PTP4A2: variants seen among roughly 807,000 people sequenced by gnomAD.
PTP4A2 encodes the protein protein tyrosine phosphatase type IVA 2.
A neutral mutation model predicts 22.9 loss-of-function variants in PTP4A2; 2 were observed. That is an observed-to-expected ratio of 0.09 (90% CI 0.04 to 0.27). The LOEUF is 0.27. Ranked by LOEUF, PTP4A2 falls within the 10% of genes least tolerant of loss-of-function variation. PTP4A2 has a pLI of 1.00. For missense variants in PTP4A2, 103 were observed against 205.1 expected, an observed-to-expected ratio of 0.50 and a Z score of 3.04; for synonymous variants, 68 against 69.1, an observed-to-expected ratio of 0.98 and a Z score of 0.08.
intron 1 of PTP4A2, among the ~76,000 whole-genome samples, chr1:31,922,080 C>A (rs1159630066): frequency 6.6e-6 from 1 of 152,178 alleles, no homozygotes; most frequent in Non-Finnish European, 1.5e-5. Context: ...AACTGTAACC[C>A]CAAAACATAG....
chr1:31,933,200 A>C (rs1427164564), intron 1 of PTP4A2: 2 of 152,280 alleles, frequency 1.3e-5, no homozygotes, highest in Non-Finnish European at 2.9e-5. Flanking sequence ...TGTTGTCTCT[A>C]TGTTGCCCAG....
chr1:31,927,269 G>A (rs753228166), intron 1 of PTP4A2, among the ~76,000 whole-genome samples: 2 of 152,104 alleles, frequency 1.3e-5, no homozygotes, highest in African/African-American at 2.4e-5. Context: ...ACCAAATACC[G>A]CATGTTCTCA....
intron 1 of PTP4A2, among the ~76,000 whole-genome samples, chr1:31,923,020 C>A (rs1209601158): frequency 6.6e-6 from 1 of 151,710 alleles, no homozygotes. Flanking sequence ...CAACCTCCGC[C>A]TCCTGGGTTC....
Position 31,919,514 on chromosome 1 carries a change from C to A in PTP4A2, c.-449G>T, listed in dbSNP as rs560331975. The A allele has an allele frequency of 6.6e-6, 1 of 152,596 alleles. No individual in the cohort carries two copies. The highest frequency in any genetic ancestry group is 1.5e-5 in the Non-Finnish European group (1 of 68,566). 9.5% of individuals were successfully genotyped at this position (152,596 alleles called of 1,614,324 possible). ...CTATTTCTGAGGCCAGTCTCGGTGT[C>A]CAGGAGTCTTCAAGGCAATGTTAAT... is the stretch of plus-strand genomic sequence containing the variant. On this transcript the variant is annotated 5_prime_UTR_variant, in exon 2 of 6. Transcript: ENST00000647444.
In PTP4A2 at chr1:31,937,976, G is replaced by C. The variant is rs1406118269; in HGVS notation, c.-594+11C>G. The C allele has an allele frequency of 6.6e-6, 1 of 152,400 alleles. No homozygotes were observed. 9.4% of individuals were successfully genotyped at this position (152,400 alleles called of 1,614,324 possible). On this transcript the variant is annotated intron_variant, in intron 1 of 5. Coordinates refer to ENST00000647444, the MANE Select transcript of PTP4A2 (RefSeq NM_080391.4). ...GCCGGCGCGGGGGCCGCCCGGGAGG[G>C]GCGCACTCACGCTGGCGAGCTGGGG...
intron 1 of PTP4A2, among the ~76,000 whole-genome samples, chr1:31,928,865 T>C (rs1232150165): frequency 6.6e-6 from 1 of 152,138 alleles, no homozygotes; most frequent in Non-Finnish European, 1.5e-5. Context: ...TGTCTTAACA[T>C]TTCAAAACCA....
rs1651393526 is a variant in PTP4A2 at position 31,909,074 on chromosome 1, A to G, written c.396-114T>C. On this transcript the variant is annotated intron_variant, in intron 5 of 5. Coordinates refer to ENST00000647444, the MANE Select transcript of PTP4A2 (RefSeq NM_080391.4). ...TAATTCCACACAGCTGAAAACCAGCATATTTCCCATACTACAACAATTCTT... is the reference window on the plus strand; with the variant it reads ...TAATTCCACACAGCTGAAAACCAGCGTATTTCCCATACTACAACAATTCTT... The G allele has an allele frequency of 3.8e-5, 28 of 739,846 alleles. 1 individual carries two copies. In the South Asian group the frequency reaches 4.1e-4, roughly 11 times the overall value. The allele number at this position is 739,846 out of a possible 1,614,324, so 45.8% of individuals were successfully genotyped here. A position where few individuals can be genotyped will look rare whatever the true frequency, so the allele number is the denominator to read the frequency against.
chr1:31,921,811 T>A (rs148757275), intron 1 of PTP4A2: 2 of 152,278 alleles, frequency 1.3e-5, no homozygotes, highest in East Asian at 3.9e-4. Context: ...TCAACACTAT[T>A]CATCTATCCT....
chr1:31,913,803 A>G (rs1293872880), intron 3 of PTP4A2: 1 of 456,094 alleles, frequency 2.2e-6, no homozygotes, highest in East Asian at 6.9e-5. Context: ...TACTGACTCA[A>G]ACAGACTATG....
rs1425775747 is a variant in PTP4A2, at chr1:31,938,103, A to C, written c.-710T>G. 1 of 131,728 alleles carries C rather than the reference A, an allele frequency of 7.6e-6. No individual in the cohort carries two copies. The highest frequency in any genetic ancestry group is 2.2e-4 in the South Asian group (1 of 4,646). 8.2% of individuals were successfully genotyped at this position (131,728 alleles called of 1,614,324 possible). ...GGCGGTAGCGGTGGCGGCGGCGGCGACGACTCCCCCCCAGCCTCGGCGCGC... is the reference window on the plus strand; with the variant it reads ...GGCGGTAGCGGTGGCGGCGGCGGCGCCGACTCCCCCCCAGCCTCGGCGCGC... On this transcript the variant is annotated 5_prime_UTR_variant, in exon 1 of 6. Coordinates refer to ENST00000647444, the MANE Select transcript of PTP4A2 (RefSeq NM_080391.4). The surrounding 1 kb of genome is among the most constrained non-coding windows in gnomAD (Gnocchi z 4.4).
At position 31,909,872 on chromosome 1, in the gene PTP4A2, G is replaced by A. The variant is rs564239417; in HGVS notation, c.395+166C>T. On this transcript the variant is annotated intron_variant, in intron 5 of 5. Coordinates refer to ENST00000647444, the MANE Select transcript of PTP4A2 (RefSeq NM_080391.4). ...AAACTTTTGAATCTGGAAACCAGCT[G>A]TACTGAGTCTCTATCACTTGCTCTA... 5.3e-5 allele frequency among the ~76,000 whole-genome samples: 8 copies of A among 152,272 alleles called. No individual in the cohort carries two copies. In the South Asian group the frequency reaches 1.7e-3, roughly 32 times the overall value.
At chr1:31,922,626 CTTTCTTTCTTTTA>C (rs1481519451) in intron 1 of PTP4A2, among the ~76,000 whole-genome samples, 22 of 105,408 alleles carry the variant, frequency 2.1e-4, no homozygotes, top group African/African-American at 1.1e-3. Flanking sequence ...TTCTTTCTTT[CTTTCTTTCTTTTA>C]TTTATTTTGA....
At chr1:31,927,819 T>C (rs980471591) in intron 1 of PTP4A2, among the ~76,000 whole-genome samples, 3 of 152,154 alleles carry the variant, frequency 2.0e-5, no homozygotes, top group Non-Finnish European at 2.9e-5. Flanking sequence ...AGACAATAGA[T>C]TGTAAAATCT....
At chr1:31,932,712 A>G (rs1652773335) in intron 1 of PTP4A2, 1 of 152,276 alleles carries the variant, frequency 6.6e-6, no homozygotes, top group South Asian at 2.1e-4. Context: ...TGTGGAAAGC[A>G]GACAGCTAGT....
At chr1:31,937,344 G>C (rs938285603) in intron 1 of PTP4A2, among the ~76,000 whole-genome samples, 1 of 151,932 alleles carries the variant, frequency 6.6e-6, no homozygotes, top group East Asian at 1.9e-4. Flanking sequence ...CCTCATACTT[G>C]AACCTGAAGA....
intron 3 of PTP4A2, chr1:31,915,655 T>A: frequency 1.1e-5 from 3 of 261,284 alleles, no homozygotes; most frequent in Non-Finnish European, 1.5e-5. Flanking sequence ...TTCCCTCACC[T>A]CAAAAACCCA....
intron 1 of PTP4A2, among the ~76,000 whole-genome samples, chr1:31,934,561 C>T (rs1026748807): frequency 1.3e-5 from 2 of 152,198 alleles, no homozygotes; most frequent in African/African-American, 4.8e-5. Context: ...AAATAAATCC[C>T]TACTAAATTT....
In PTP4A2 at chr1:31,907,231, TGAC is replaced by T. The variant is rs1463743184; in HGVS notation, c.*1618_*1620del. 1 of 152,196 alleles carries T rather than the reference TGAC, an allele frequency of 6.6e-6. No individual in the cohort carries two copies. Among genetic ancestry groups the T allele is most frequent in the African/African-American group, 2.4e-5 (1 of 41,434 alleles). 9.4% of individuals were successfully genotyped at this position (152,196 alleles called of 1,614,324 possible). On this transcript the variant is annotated 3_prime_UTR_variant, in exon 6 of 6. Transcript: ENST00000647444. ...CACAGCAAATTCCAGCAGGACAAGA[TGAC>T]TTTAAGCCCGTATTCAGAGCCCTAG...
At chr1:31,921,666 A>G (rs542126994) in intron 1 of PTP4A2, 1 of 152,320 alleles carries the variant, frequency 6.6e-6, no homozygotes, top group East Asian at 1.9e-4. Flanking sequence ...TCCCTAAGTT[A>G]CCAATAAAGG....
Sources: gnomAD v4.1 joint callset for allele counts (sites outside exome capture counted in the v4.1 genomes callset) on GRCh38, gnomAD v4.1.1 for gene constraint, Gnocchi (gnomAD v3.1) non-coding constraint, MANE v1.5 for transcripts, NCBI Gene and HGNC (gene_info 2026-07-23, HGNC 2026-07-21) for gene names.